TENM3: variants seen among roughly 807,000 people sequenced by gnomAD.
TENM3 encodes teneurin-3.
A neutral mutation model predicts 255.1 loss-of-function variants in TENM3; 63 were observed. That is an observed-to-expected ratio of 0.25 (90% CI 0.20 to 0.30). TENM3 has a LOEUF of 0.30. TENM3 is among the 10% of genes least tolerant of loss of function. The probability of loss-of-function intolerance (pLI) is 1.00; values close to 1 mark genes in which losing one functional copy is unlikely to be tolerated. For synonymous variants in TENM3, 1,306 were observed against 1,322.3 expected, an observed-to-expected ratio of 0.99 and a Z score of 0.27; for missense variants, 2,929 against 3,461.1, an observed-to-expected ratio of 0.85 and a Z score of 3.86.
At chr4:182,539,669 C>T (rs1180236268) in intron 3 of TENM3, among the ~76,000 whole-genome samples, 1 of 152,198 alleles carries the variant, frequency 6.6e-6, no homozygotes, top group African/African-American at 2.4e-5. Context: ...AATTTCTCCT[C>T]TAAGCACAAC....
intron 3 of TENM3, among the ~76,000 whole-genome samples, chr4:182,501,590 C>T (rs1008932525): frequency 2.6e-5 from 4 of 152,094 alleles, no homozygotes; most frequent in African/African-American, 7.2e-5. Flanking sequence ...CATCCCATTT[C>T]CTTATCCAGA....
the TENM3 span, among the ~76,000 whole-genome samples, chr4:182,095,587 G>A: frequency 2.6e-5 from 4 of 152,118 alleles, no homozygotes; most frequent in South Asian, 4.1e-4. Context: ...CAATGGATAC[G>A]GAAGTCCAGT....
the TENM3 span, among the ~76,000 whole-genome samples, chr4:182,126,134 G>T: frequency 6.6e-6 from 1 of 152,164 alleles, no homozygotes; most frequent in East Asian, 1.9e-4. Flanking sequence ...GCAATAAAAT[G>T]AATCTCTAAT....
the TENM3 span, among the ~76,000 whole-genome samples, chr4:181,719,188 G>A: frequency 6.7e-6 from 1 of 149,716 alleles, no homozygotes; most frequent in Non-Finnish European, 1.5e-5. Flanking sequence ...AGTCCGGCCT[G>A]GGCGACAGAG....
chr4:182,101,114 A>AGAAGGAAGGAAGGAAAGAAGGAAGGGAG, the TENM3 span, among the ~76,000 whole-genome samples: 1 of 4,882 alleles, frequency 2.0e-4, no homozygotes, highest in Non-Finnish European at 6.5e-4. Context: ...GAGGAAGGAA[A>AGAAGGAAGGAAGGAAAGAAGGAAGGGAG]GAAGGAAGGA....
chr4:182,205,758 C>T (rs983338063), intron 1 of TENM3, among the ~76,000 whole-genome samples: 5 of 152,198 alleles, frequency 3.3e-5, no homozygotes, highest in African/African-American at 1.2e-4. Context: ...CTATCTTCCC[C>T]TTGTGGAAAT....
chr4:182,803,021 T>A lies in TENM3; in HGVS notation c.*2670T>A, dbSNP rs1326818894. 6.6e-6 allele frequency: 1 copy of A among 152,624 alleles called. No homozygotes were observed. Among genetic ancestry groups the A allele is most frequent in the Non-Finnish European group, 1.5e-5 (1 of 68,024 alleles). The allele number at this position is 152,624 out of a possible 1,614,324, so 9.5% of individuals were successfully genotyped here. A position where few individuals can be genotyped will look rare whatever the true frequency, so the allele number is the denominator to read the frequency against. ...GGCATTCCAATAAAAGCCAACCCAA[T>A]GTGTGTGTGTTTTTATATTTTTTCA... On this transcript the variant is annotated 3_prime_UTR_variant, in exon 28 of 28. Coordinates refer to ENST00000511685, the MANE Select transcript of TENM3 (RefSeq NM_001080477.4).
chr4:182,387,883 G>A (rs1040560012), intron 3 of TENM3, among the ~76,000 whole-genome samples: 1 of 146,242 alleles, frequency 6.8e-6, no homozygotes, highest in Non-Finnish European at 1.5e-5. Flanking sequence ...GTGAGACCAA[G>A]AACCCACCAA....
chr4:181,999,388 G>A, the TENM3 span, among the ~76,000 whole-genome samples: 2 of 152,142 alleles, frequency 1.3e-5, no homozygotes, highest in African/African-American at 4.8e-5. Flanking sequence ...CTAAGGTATT[G>A]CCTGTCCCGA....
At chr4:181,726,357 G>A in the TENM3 span, among the ~76,000 whole-genome samples, 1 of 152,072 alleles carries the variant, frequency 6.6e-6, no homozygotes, top group Non-Finnish European at 1.5e-5. Flanking sequence ...TTCCAGGCCT[G>A]TAATGGGTAT....
At chr4:181,516,291 C>A in the TENM3 span, among the ~76,000 whole-genome samples, 1 of 150,764 alleles carries the variant, frequency 6.6e-6, no homozygotes, top group Non-Finnish European at 1.5e-5. Flanking sequence ...TTGATAGGTA[C>A]AGCCAACCAC....
At chr4:182,483,714 G>C (rs1734423564) in intron 3 of TENM3, among the ~76,000 whole-genome samples, 1 of 152,096 alleles carries the variant, frequency 6.6e-6, no homozygotes, top group South Asian at 2.1e-4. Context: ...ATAAAGAAAA[G>C]GGGTTTCATT....
At chr4:182,265,709 T>G (rs1349294400) in intron 1 of TENM3, among the ~76,000 whole-genome samples, 2 of 152,198 alleles carry the variant, frequency 1.3e-5, no homozygotes, top group African/African-American at 4.8e-5. Context: ...CTTCTGCCTT[T>G]CTGTGTAGCT....
At chr4:181,502,857 G>T in the TENM3 span, among the ~76,000 whole-genome samples, 1 of 152,144 alleles carries the variant, frequency 6.6e-6, no homozygotes, top group Non-Finnish European at 1.5e-5. Flanking sequence ...ACAATAAAGG[G>T]TCGCTGGGAG....
At chr4:181,528,975 A>T in the TENM3 span, among the ~76,000 whole-genome samples, 9 of 152,262 alleles carry the variant, frequency 5.9e-5, 1 homozygote, top group Non-Finnish European at 1.2e-4. Context: ...ACAGTATATG[A>T]GTAGCATAAA....
chr4:182,265,672 A>C (rs926753893), intron 1 of TENM3, among the ~76,000 whole-genome samples: 3 of 152,208 alleles, frequency 2.0e-5, no homozygotes, highest in African/African-American at 7.2e-5. Context: ...AAAACTGGCA[A>C]ATAAAACATC....
the TENM3 span, among the ~76,000 whole-genome samples, chr4:181,896,267 TC>T: frequency 8.3e-4 from 127 of 152,318 alleles, 1 homozygote; most frequent in African/African-American, 2.6e-3. Context: ...GATTTTTTTT[TC>T]GTTTCTATAA....
intron 5 of TENM3, among the ~76,000 whole-genome samples, chr4:182,643,319 A>G (rs75289956): frequency 0.015 from 2,289 of 152,342 alleles, 45 homozygotes; most frequent in South Asian, 0.098. Context: ...AAGGAATCGT[A>G]TGTATAACAT....
At chr4:181,576,433 G>A in the TENM3 span, among the ~76,000 whole-genome samples, 16 of 152,182 alleles carry the variant, frequency 1.1e-4, no homozygotes, top group Non-Finnish European at 2.2e-4. Flanking sequence ...TTACGTTTGA[G>A]TAGATACCCA....
Sources: gnomAD v4.1 joint callset for allele counts (sites outside exome capture counted in the v4.1 genomes callset) on GRCh38, gnomAD v4.1.1 for gene constraint, MANE v1.5 for transcripts, NCBI Gene and HGNC (gene_info 2026-07-23, HGNC 2026-07-21) for gene names.